The following RBM6 variants were observed in gnomAD, a reference collection of about 807,000 sequenced individuals.
RBM6 encodes RNA binding motif protein 6, also known as RNA-binding protein 6.
RBM6 carries 23 observed loss-of-function variants against 140.4 expected under a neutral mutation model. The ratio of observed to expected loss-of-function variants is 0.16; its 90% CI spans 0.12 to 0.23. The LOEUF is 0.23. Ranked by LOEUF, RBM6 falls within the 10% of genes least tolerant of loss-of-function variation. RBM6 has a pLI of 1.00. For synonymous variants in RBM6, 439 were observed against 475.6 expected (o/e 0.92, Z 1.00); for missense variants, 1,139 against 1,386.7 (o/e 0.82, Z 2.84).
chr3:50,016,182 A>T (rs2087136778), intron 6 of RBM6, among the ~76,000 whole-genome samples: 1 of 152,172 alleles, frequency 6.6e-6, no homozygotes, highest in Admixed American at 6.6e-5. Flanking sequence ...TGCACATGTG[A>T]GATCATGCAG....
At chr3:50,026,234 A>G (rs2108808573) in intron 6 of RBM6, among the ~76,000 whole-genome samples, 1 of 151,530 alleles carries the variant, frequency 6.6e-6, no homozygotes, top group East Asian at 2.0e-4. Context: ...ACAGGCACCC[A>G]CCACCATGCC....
At chr3:49,991,460 G>C (rs879363139) in intron 5 of RBM6, among the ~76,000 whole-genome samples, 1 of 152,122 alleles carries the variant, frequency 6.6e-6, no homozygotes, top group Admixed American at 6.6e-5. Flanking sequence ...GTCTTTCTAG[G>C]TAGCCCTCAT....
intron 7 of RBM6, among the ~76,000 whole-genome samples, chr3:50,052,586 G>T (rs2089514392): frequency 6.6e-6 from 1 of 152,084 alleles, no homozygotes; most frequent in Admixed American, 6.6e-5. Flanking sequence ...TTATTCTGTT[G>T]ATCTATATGT....
intron 4 of RBM6, 51 bp from the exon 5 acceptor site, chr3:49,975,272 C>T (rs1355740196): frequency 1.4e-6 from 2 of 1,389,026 alleles, no homozygotes; most frequent in Non-Finnish European, 2.0e-6. Context: ...ATCTGATATT[C>T]AGTGTTTGAT....
chr3:50,037,666 T>C (rs964427511), intron 6 of RBM6, among the ~76,000 whole-genome samples: 9 of 152,100 alleles, frequency 5.9e-5, no homozygotes, highest in African/African-American at 1.7e-4. Context: ...TTAAAAAATT[T>C]TGTTTTAATA....
intron 5 of RBM6, among the ~76,000 whole-genome samples, chr3:49,997,889 A>T (rs2086157831): frequency 6.6e-6 from 1 of 152,224 alleles, no homozygotes; most frequent in African/African-American, 2.4e-5. Flanking sequence ...TCTCTAAAGT[A>T]TTTTTATTTC....
At chr3:49,998,753 A>G (rs1204506981) in intron 5 of RBM6, among the ~76,000 whole-genome samples, 1 of 152,246 alleles carries the variant, frequency 6.6e-6, no homozygotes, top group African/African-American at 2.4e-5. Flanking sequence ...GTCTTTGTGC[A>G]TAAGCACAAT....
intron 5 of RBM6, among the ~76,000 whole-genome samples, chr3:49,987,590 T>C (rs1253190235): frequency 6.6e-6 from 1 of 152,088 alleles, no homozygotes. Context: ...GTCCTGGGAT[T>C]ACGGACATAA....
chr3:50,043,837 C>T lies in RBM6; in HGVS notation c.1558-4408C>T, dbSNP rs532335572. Among the ~76,000 whole-genome samples the T allele has an allele frequency of 2.6e-5, 4 of 151,868 alleles. No homozygotes were observed. In the East Asian group the frequency reaches 7.8e-4, roughly 30 times the overall value. ...GACCTTGTGATCCTCCCACCTCAGC[C>T]TCCCAAAGTGCTGGGATTACAGGCA... is the stretch of plus-strand genomic sequence containing the variant. On this transcript the variant is annotated intron_variant, in intron 6 of 20. Transcript: ENST00000266022.
chr3:50,031,478 A>G (rs574534142), intron 6 of RBM6, among the ~76,000 whole-genome samples: 57 of 152,110 alleles, frequency 3.7e-4, no homozygotes, highest in African/African-American at 1.4e-3. Context: ...AAACTATCTA[A>G]GGGCAGAAAA....
intron 6 of RBM6, among the ~76,000 whole-genome samples, chr3:50,032,533 T>A (rs1445846550): frequency 2.1e-5 from 3 of 145,556 alleles, no homozygotes; most frequent in African/African-American, 7.7e-5. Context: ...AGAGAGCAAA[T>A]AGACATTGGG....
chr3:50,047,263 C>G (rs940124704), intron 6 of RBM6: 20 of 985,102 alleles, frequency 2.0e-5, no homozygotes, highest in Non-Finnish European at 4.8e-6. Context: ...TGAGGAAACA[C>G]AGAGGACCCT....
At chr3:50,034,849 C>T (rs527325418) in intron 6 of RBM6, among the ~76,000 whole-genome samples, 1 of 152,284 alleles carries the variant, frequency 6.6e-6, no homozygotes, top group Non-Finnish European at 1.5e-5. Context: ...GGGCAGTTTT[C>T]CTTCTAAGGA....
At chr3:49,988,446 CT>C (rs1055139507) in intron 5 of RBM6, among the ~76,000 whole-genome samples, 236 of 144,108 alleles carry the variant, frequency 1.6e-3, no homozygotes, top group Admixed American at 2.0e-3. Flanking sequence ...GCCTGGCCTT[CT>C]TTTTTTTTTT....
intron 7 of RBM6, among the ~76,000 whole-genome samples, chr3:50,049,730 A>G (rs2089385366): frequency 6.6e-6 from 1 of 152,124 alleles, no homozygotes; most frequent in South Asian, 2.1e-4. Context: ...GTTTCCTTTT[A>G]TTGAGATAAA....
At chr3:50,022,415 CT>C (rs1281140436) in intron 6 of RBM6, among the ~76,000 whole-genome samples, 2 of 151,964 alleles carry the variant, frequency 1.3e-5, no homozygotes, top group African/African-American at 2.4e-5. Flanking sequence ...ACCAAAACCT[CT>C]GCCTCCCGGG....
At chr3:50,058,142 T>C in intron 9 of RBM6, 139 bp downstream of exon 9, 1 of 1,123,262 alleles carries the variant, frequency 8.9e-7, no homozygotes, top group Non-Finnish European at 1.2e-6. Flanking sequence ...GCCATTGCTG[T>C]CTGTGGACCT....
In RBM6 at chr3:50,052,989, GT is replaced by G. The variant is rs1559634542; in HGVS notation, c.1633-1345del. ...CAGCCATTTGGCAGTGGGCAGGGGT[GT>G]GTGTGTGTGTGTGTGTGTGTGTGTG... On this transcript the variant is annotated intron_variant, in intron 7 of 20. Coordinates refer to ENST00000266022, the MANE Select transcript of RBM6 (RefSeq NM_005777.3). Among the ~76,000 whole-genome samples the G allele has an allele frequency of 3.5e-3, 12 of 3,420 alleles. No individual in the cohort carries two copies. In the East Asian group the frequency reaches 0.047, roughly 13 times the overall value. 2.2% of individuals were successfully genotyped at this position (3,420 alleles called of 152,430 possible).
intron 1 of RBM6, among the ~76,000 whole-genome samples, chr3:49,948,521 T>C (rs1345459688): frequency 6.6e-6 from 1 of 151,956 alleles, no homozygotes; most frequent in African/African-American, 2.4e-5. Flanking sequence ...GAGACCATCC[T>C]GGCCAATGTC....
Sources: allele counts gnomAD v4.1 joint callset (sites outside exome capture counted in the v4.1 genomes callset), GRCh38; gene constraint gnomAD v4.1.1; transcripts MANE v1.5; gene names NCBI Gene and HGNC (gene_info 2026-07-23, HGNC 2026-07-21).